Variants in FHL5 observed in about 807,000 individuals in gnomAD.
FHL5 encodes the protein four and a half LIM domains protein 5.
In FHL5, 33 loss-of-function variants were observed where a neutral mutation model predicts 32.0. That is an observed-to-expected ratio of 1.03 (90% CI 0.78 to 1.38). The LOEUF (loss-of-function observed/expected upper bound fraction) is 1.38. Among genes scored for constraint, FHL5 ranks in the 40% most tolerant of loss-of-function variants. The pLI is 0.00. For missense variants in FHL5, 336 were observed against 343.9 expected, an observed-to-expected ratio of 0.98 and a Z score of 0.18; for synonymous variants, 114 against 113.6, an observed-to-expected ratio of 1.00 and a Z score of -0.02.
intron 5 of FHL5, among the ~76,000 whole-genome samples, chr6:96,612,321 C>A (rs1285739528): frequency 6.6e-6 from 1 of 152,120 alleles, no homozygotes; most frequent in African/African-American, 2.4e-5. Context: ...TCTGCAATCA[C>A]AGTCCATTTA....
At chr6:96,578,878 G>T (rs1247482750) in intron 1 of FHL5, among the ~76,000 whole-genome samples, 1 of 151,940 alleles carries the variant, frequency 6.6e-6, no homozygotes, top group East Asian at 1.9e-4. Context: ...AATAAAAATT[G>T]ATTTGGATTA....
chr6:96,604,871 A>T lies in FHL5; in HGVS notation c.281A>T (p.Tyr94Phe). ...KDERLLCTECYSNECSSKCFH... is the reference protein window; with the variant it reads ...KDERLLCTECFSNECSSKCFH... The stretch of plus-strand genomic sequence containing the variant: ...GAGCGCCTGCTGTGCACGGAGTGCT[A>T]TTCTAACGAGTGCTCCTCCAAGTGC... The change falls in exon 3 of 6, where the codon TAT becomes TTT. Residue 94 changes from tyrosine to phenylalanine, a missense_variant. Transcript: ENST00000450218. 6.2e-7 allele frequency: 1 copy of T among 1,613,604 alleles called. No individual in the cohort carries two copies. The highest frequency in any genetic ancestry group is 8.5e-7 in the Non-Finnish European group (1 of 1,179,696).
At chr6:96,581,784 T>A (rs1582462834) in intron 1 of FHL5, among the ~76,000 whole-genome samples, 1 of 152,170 alleles carries the variant, frequency 6.6e-6, no homozygotes, top group Non-Finnish European at 1.5e-5. Context: ...AAACATTTTT[T>A]AAAAACCCTG....
At chr6:96,566,845 T>C (rs1015794914) in intron 1 of FHL5, among the ~76,000 whole-genome samples, 2 of 151,976 alleles carry the variant, frequency 1.3e-5, no homozygotes, top group Admixed American at 6.6e-5. Context: ...TCTAATGTGA[T>C]TTTTTATTTG....
intron 1 of FHL5, among the ~76,000 whole-genome samples, chr6:96,593,854 A>G (rs1335340751): frequency 6.6e-6 from 1 of 152,130 alleles, no homozygotes; most frequent in Non-Finnish European, 1.5e-5. Context: ...CTTTTTAAGT[A>G]CTAGCTTCTC....
At chr6:96,582,377 T>G (rs1209976799) in intron 1 of FHL5, among the ~76,000 whole-genome samples, 1 of 152,164 alleles carries the variant, frequency 6.6e-6, no homozygotes, top group East Asian at 1.9e-4. Context: ...ATATTAAACC[T>G]ACGTATTTTT....
intron 1 of FHL5, among the ~76,000 whole-genome samples, chr6:96,591,629 T>C (rs1220667734): frequency 6.6e-6 from 1 of 152,202 alleles, no homozygotes; most frequent in African/African-American, 2.4e-5. Flanking sequence ...CTCTCCATTG[T>C]CTAGCTTCCT....
At chr6:96,611,717 T>A (rs1304846291) in intron 5 of FHL5, among the ~76,000 whole-genome samples, 1 of 152,204 alleles carries the variant, frequency 6.6e-6, no homozygotes, top group Non-Finnish European at 1.5e-5. Flanking sequence ...AAGTTGAGTC[T>A]TCATGCACTT....
At chr6:96,602,354 AT>A (rs1243736765) in intron 1 of FHL5, among the ~76,000 whole-genome samples, 6 of 144,940 alleles carry the variant, frequency 4.1e-5, no homozygotes, top group South Asian at 2.2e-4. Flanking sequence ...AGCAGTGCTA[AT>A]TTTTTTTTGT....
intron 1 of FHL5, among the ~76,000 whole-genome samples, chr6:96,563,893 C>T (rs912907802): frequency 1.3e-5 from 2 of 152,134 alleles, no homozygotes; most frequent in African/African-American, 4.8e-5. Context: ...AATTCATAAT[C>T]TTTAATTTTC....
At chr6:96,563,851 A>C (rs1180424857) in intron 1 of FHL5, among the ~76,000 whole-genome samples, 1 of 152,176 alleles carries the variant, frequency 6.6e-6, no homozygotes, top group East Asian at 1.9e-4. Flanking sequence ...TTCAAGAAAA[A>C]TCTGCCTACT....
At chr6:96,580,664 G>A (rs1471684295) in intron 1 of FHL5, among the ~76,000 whole-genome samples, 1 of 152,112 alleles carries the variant, frequency 6.6e-6, no homozygotes, top group African/African-American at 2.4e-5. Context: ...ACACATTAAT[G>A]CCAGGATAAA....
At chr6:96,589,086 C>A (rs1186522305) in intron 1 of FHL5, among the ~76,000 whole-genome samples, 1 of 151,908 alleles carries the variant, frequency 6.6e-6, no homozygotes, top group Non-Finnish European at 1.5e-5. Flanking sequence ...CCAATTATTT[C>A]TGTATCATTT....
At chr6:96,584,679 T>A (rs1770763813) in intron 1 of FHL5, among the ~76,000 whole-genome samples, 7 of 152,138 alleles carry the variant, frequency 4.6e-5, no homozygotes. Flanking sequence ...ATGGAGGATG[T>A]TCTGGAATTC....
intron 1 of FHL5, among the ~76,000 whole-genome samples, chr6:96,597,621 C>T (rs1247549637): frequency 6.6e-6 from 1 of 152,154 alleles, no homozygotes; most frequent in Non-Finnish European, 1.5e-5. Context: ...TGACCTTGCC[C>T]TAGTCTTCCT....
chr6:96,570,389 C>G (rs768507519), intron 1 of FHL5, among the ~76,000 whole-genome samples: 5 of 152,070 alleles, frequency 3.3e-5, no homozygotes, highest in Non-Finnish European at 7.4e-5. Context: ...TTTTCTCTTG[C>G]TGTTTTTAGA....
At chr6:96,584,461 T>TTGTG (rs781665593) in intron 1 of FHL5, among the ~76,000 whole-genome samples, 37 of 85,310 alleles carry the variant, frequency 4.3e-4, no homozygotes, top group Admixed American at 1.7e-3. Context: ...GTGTGTGTGT[T>TTGTG]TGTGTGTGTG....
At position 96,603,736 on chromosome 6, in the gene FHL5, C is replaced by T. The variant is rs747828128; in HGVS notation, c.123C>T (p.Cys41=). 27 of 1,609,030 alleles carry T rather than the reference C, an allele frequency of 1.7e-5. No homozygotes were observed. The highest frequency in any genetic ancestry group is 8.9e-5 in the South Asian group (8 of 89,862). Residue 41 remains cysteine, a synonymous_variant, in exon 2 of 6, where the codon TGC becomes TGT. Transcript: ENST00000450218. ...TCYDRVFSNY[C]EECKKPIESD... ...ATGATCGTGTATTTTCTAACTATTG[C>T]GAGGAATGCAAAAAACCAATTGAAT...
intron 1 of FHL5, among the ~76,000 whole-genome samples, chr6:96,573,236 A>G (rs910957735): frequency 2.0e-5 from 3 of 152,194 alleles, no homozygotes; most frequent in African/African-American, 7.2e-5. Flanking sequence ...AATGAACACT[A>G]AAGAGGCTCC....
Sources: allele counts gnomAD v4.1 joint callset (sites outside exome capture counted in the v4.1 genomes callset), GRCh38; gene constraint gnomAD v4.1.1; transcripts MANE v1.5; gene names NCBI Gene and HGNC (gene_info 2026-07-23, HGNC 2026-07-21).